Variants in SH3PXD2A observed in about 807,000 individuals in gnomAD.
SH3PXD2A encodes SH3 and PX domains 2A.
Under a neutral mutation model 115.2 loss-of-function variants are expected in SH3PXD2A, and 32 were observed. That is an observed-to-expected ratio of 0.28 (90% CI 0.21 to 0.37). The LOEUF (loss-of-function observed/expected upper bound fraction) is 0.37, where lower values mean the gene tolerates loss of function less well. Among genes scored for constraint, SH3PXD2A ranks in the 10% least tolerant of loss-of-function variants. The pLI, the probability that SH3PXD2A is intolerant of heterozygous loss-of-function variation, is 1.00. For synonymous variants in SH3PXD2A, 610 were observed against 629.1 expected (o/e 0.97, Z 0.45); for missense variants, 1,328 against 1,498.7 (o/e 0.89, Z 1.88).
intron 13 of SH3PXD2A, among the ~76,000 whole-genome samples, chr10:103,607,872 A>G (rs1264532432): frequency 6.6e-6 from 1 of 152,172 alleles, no homozygotes. Context: ...GTGCTCTCTG[A>G]AACATGTGCT....
At chr10:103,640,112 C>T (rs1049438490) in intron 8 of SH3PXD2A, among the ~76,000 whole-genome samples, 11 of 152,036 alleles carry the variant, frequency 7.2e-5, no homozygotes, top group African/African-American at 2.7e-4. Flanking sequence ...GTTAGGAGTT[C>T]GAGACCAGTC....
intron 5 of SH3PXD2A, among the ~76,000 whole-genome samples, chr10:103,720,314 T>A (rs1213772149): frequency 6.6e-6 from 1 of 152,232 alleles, no homozygotes; most frequent in Non-Finnish European, 1.5e-5. Context: ...AAGGTGTCCA[T>A]GAAGAACATC....
chr10:103,689,477 C>G (rs2037720531), intron 6 of SH3PXD2A, among the ~76,000 whole-genome samples: 1 of 152,120 alleles, frequency 6.6e-6, no homozygotes, highest in Non-Finnish European at 1.5e-5. Context: ...CCAGCCTGGC[C>G]AAAATGGTGA....
At chr10:103,758,268 G>A (rs781310565) in intron 3 of SH3PXD2A, among the ~76,000 whole-genome samples, 10 of 152,030 alleles carry the variant, frequency 6.6e-5, no homozygotes, top group South Asian at 2.1e-4. Flanking sequence ...CCGGTGGTCC[G>A]ACTAAGGTTA....
chr10:103,804,495 G>A (rs2039181591), intron 1 of SH3PXD2A, among the ~76,000 whole-genome samples: 1 of 151,496 alleles, frequency 6.6e-6, no homozygotes, highest in African/African-American at 2.4e-5. Flanking sequence ...CTAATTTTTT[G>A]TATGTTTTAG....
intron 5 of SH3PXD2A, among the ~76,000 whole-genome samples, chr10:103,718,791 A>ACACACACG (rs1564872267): frequency 4.0e-5 from 6 of 149,902 alleles, no homozygotes; most frequent in Non-Finnish European, 8.9e-5. Context: ...ACACACACAC[A>ACACACACG]CACACACGCA....
At chr10:103,670,331 G>C (rs1263032899) in intron 6 of SH3PXD2A, among the ~76,000 whole-genome samples, 1 of 152,166 alleles carries the variant, frequency 6.6e-6, no homozygotes, top group Non-Finnish European at 1.5e-5. Flanking sequence ...TAAAAATCTG[G>C]ATGATGTGAT....
chr10:103,672,680 G>GA (rs1298457790), intron 6 of SH3PXD2A, among the ~76,000 whole-genome samples: 1 of 152,190 alleles, frequency 6.6e-6, no homozygotes, highest in Non-Finnish European at 1.5e-5. Context: ...TGTAAACGGG[G>GA]AAAAAACACC....
In SH3PXD2A at chr10:103,627,735, C is replaced by T. The variant is rs548227671; in HGVS notation, c.605-533G>A. On this transcript the variant is annotated intron_variant, in intron 8 of 14. Transcript: ENST00000369774. This position sits in a 1 kb window ranked among gnomAD's most constrained non-coding sequence, Gnocchi z 4.4. ...TTTAAGTGTGTTCACGTTTCAGTCG[C>T]GGTAAGTGGGCACTGCATCCTCAGC... 1.2e-4 allele frequency among the ~76,000 whole-genome samples: 19 copies of T among 152,306 alleles called. No individual in the cohort carries two copies. Among genetic ancestry groups the T allele is most frequent in the African/African-American group, 4.1e-4 (17 of 41,570 alleles).
chr10:103,718,798 C>CAT lies in SH3PXD2A; in HGVS notation c.398+5471_398+5472insAT, dbSNP rs1554915136. On this transcript the variant is annotated intron_variant, in intron 5 of 14. Coordinates refer to ENST00000369774, the MANE Select transcript of SH3PXD2A (RefSeq NM_001394015.1). Reference sequence around the variant, plus strand: ...ACACACACACACACACACACACACACGCACATACACCCCTATTCAACTGCT... The same window carrying CAT: ...ACACACACACACACACACACACACACATGCACATACACCCCTATTCAACTGCT... 4.0e-5 allele frequency among the ~76,000 whole-genome samples: 6 copies of CAT among 151,008 alleles called. No homozygotes were observed. The East Asian group carries it at 7.8e-4, about 20-fold the overall frequency.
intron 2 of SH3PXD2A, among the ~76,000 whole-genome samples, chr10:103,791,695 GGTCCCGA>G (rs980744139): frequency 1.2e-4 from 18 of 151,888 alleles, no homozygotes; most frequent in African/African-American, 3.1e-4. Flanking sequence ...CTTGGAACCA[GGTCCCGA>G]GTTGCTCTGG....
chr10:103,797,464 G>A (rs922948565), intron 2 of SH3PXD2A, among the ~76,000 whole-genome samples: 1 of 151,948 alleles, frequency 6.6e-6, no homozygotes, highest in Non-Finnish European at 1.5e-5. Context: ...GCTCCTCAAT[G>A]CACCATCAGA....
chr10:103,774,516 G>A (rs988605295), intron 2 of SH3PXD2A, among the ~76,000 whole-genome samples: 9 of 152,152 alleles, frequency 5.9e-5, no homozygotes, highest in African/African-American at 2.2e-4. Context: ...CCATCTCTGT[G>A]TTAGTTTCTA....
intron 2 of SH3PXD2A, among the ~76,000 whole-genome samples, chr10:103,783,456 CAG>C (rs3976807): frequency 0.75 from 113,494 of 151,784 alleles, 43,401 homozygotes; most frequent in East Asian, 1. Flanking sequence ...CTCTGGGGGG[CAG>C]AGTCTGAGAA....
intron 4 of SH3PXD2A, among the ~76,000 whole-genome samples, chr10:103,725,467 C>T (rs2038229525): frequency 6.6e-6 from 1 of 152,108 alleles, no homozygotes; most frequent in African/African-American, 2.4e-5. Context: ...CGTGGGCCAG[C>T]TGTGAGCCTG....
At chr10:103,780,305 G>A (rs777103176) in intron 2 of SH3PXD2A, among the ~76,000 whole-genome samples, 1 of 152,194 alleles carries the variant, frequency 6.6e-6, no homozygotes, top group Non-Finnish European at 1.5e-5. Flanking sequence ...CCTTCCCCAA[G>A]CATCTCCATT....
chr10:103,697,439 T>C (rs527663003), intron 5 of SH3PXD2A, among the ~76,000 whole-genome samples: 11 of 152,314 alleles, frequency 7.2e-5, no homozygotes, highest in African/African-American at 2.4e-4. Flanking sequence ...CTTAAGGACC[T>C]CACCACGATG....
chr10:103,748,682 G>T (rs1417618349), intron 3 of SH3PXD2A, among the ~76,000 whole-genome samples: 2 of 152,238 alleles, frequency 1.3e-5, no homozygotes, highest in African/African-American at 4.8e-5. Flanking sequence ...GAGAGTCTGA[G>T]CAGAGGCCCA....
chr10:103,768,561 C>T lies in SH3PXD2A; in HGVS notation c.154-1392G>A, dbSNP rs954665217. 7.2e-5 allele frequency among the ~76,000 whole-genome samples: 11 copies of T among 152,248 alleles called. No homozygotes were observed. In the South Asian group the frequency reaches 8.3e-4, roughly 11 times the overall value. On this transcript the variant is annotated intron_variant, in intron 2 of 14. Transcript: ENST00000369774. ...GCTGTGGTGAAGACTCAGGGCTTGT[C>T]GTGATGGAAGGGGAAGTCCTGGAGA...
Sources: gnomAD v4.1 joint callset for allele counts (sites outside exome capture counted in the v4.1 genomes callset) on GRCh38, gnomAD v4.1.1 for gene constraint, Gnocchi (gnomAD v3.1) non-coding constraint, MANE v1.5 for transcripts, NCBI Gene and HGNC (gene_info 2026-07-23, HGNC 2026-07-21) for gene names.